The following STK32A variants were observed in gnomAD, a reference collection of about 807,000 sequenced individuals.
STK32A encodes the protein serine/threonine-protein kinase 32A.
In STK32A, 41 loss-of-function variants were observed where a neutral mutation model predicts 53.2. That is an observed-to-expected ratio of 0.77 (90% CI 0.60 to 1.00). The LOEUF is 1.00. Among genes scored for constraint, STK32A ranks in the 50% least tolerant of loss-of-function variants. STK32A has a pLI of 0.00. For missense variants in STK32A, 458 were observed against 485.8 expected (o/e 0.94, Z 0.54); for synonymous variants, 166 against 162.8 (o/e 1.02, Z -0.15).
chr5:147,357,272 T>C lies in STK32A; in HGVS notation c.563-4245T>C, dbSNP rs75743122. The stretch of plus-strand genomic sequence containing the variant: ...CTGGAAGTGTCTGAAGATATTCATT[T>C]CCCTGCATTCTTATCAGTGCTACAC... On this transcript the variant is annotated intron_variant, in intron 7 of 12. Coordinates refer to ENST00000397936, the MANE Select transcript of STK32A (RefSeq NM_001112724.2). Among the ~76,000 whole-genome samples the C allele has an allele frequency of 9.1e-3, 1,379 of 152,192 alleles. 29 individuals carry two copies. Among genetic ancestry groups the C allele is most frequent in the African/African-American group, 0.032 (1,312 of 41,558 alleles).
chr5:147,353,817 G>T (rs1561742274), intron 7 of STK32A, among the ~76,000 whole-genome samples: 1 of 152,138 alleles, frequency 6.6e-6, no homozygotes, highest in African/African-American at 2.4e-5. Flanking sequence ...ACCCTAATTA[G>T]TTAAGATGCT....
intron 2 of STK32A, among the ~76,000 whole-genome samples, chr5:147,247,653 A>G (rs1191235771): frequency 6.6e-6 from 1 of 152,224 alleles, no homozygotes; most frequent in East Asian, 1.9e-4. Flanking sequence ...AGTCTCTGTC[A>G]CAACTACTCA....
chr5:147,292,402 T>C (rs1201413552), intron 4 of STK32A, among the ~76,000 whole-genome samples: 1 of 152,218 alleles, frequency 6.6e-6, no homozygotes, highest in Non-Finnish European at 1.5e-5. Context: ...TATTCACAAA[T>C]AGTTTCCAAA....
rs13162087 is a variant in STK32A, at chr5:147,332,932, A to T, written c.434+8861A>T. On this transcript the variant is annotated intron_variant, in intron 5 of 12. Transcript: ENST00000397936. ...CCACCCATTTGTGAAAACCCATGTG[A>T]AAAGGCAAAGAGAACTGTCTGTGTA... 1.7e-3 allele frequency among the ~76,000 whole-genome samples: 257 copies of T among 152,350 alleles called. 1 individual carries two copies. The highest frequency in any genetic ancestry group is 3.1e-3 in the Non-Finnish European group (212 of 68,032).
In STK32A at chr5:147,321,556, C is replaced by T. The variant is rs75716758; in HGVS notation, c.261-2342C>T. Among the ~76,000 whole-genome samples the T allele has an allele frequency of 6.3e-3, 967 of 152,342 alleles. 5 individuals are homozygous for T. The highest frequency in any genetic ancestry group is 0.019 in the African/African-American group (805 of 41,576). On this transcript the variant is annotated intron_variant, in intron 4 of 12. Transcript: ENST00000397936. ...TCTTCTGTCTTTGATTAATAATCCC[C>T]TGCACATTCGAACACTGTTATTAAC...
intron 5 of STK32A, among the ~76,000 whole-genome samples, chr5:147,338,980 GGAATA>G (rs1307594107): frequency 6.6e-6 from 1 of 152,172 alleles, no homozygotes; most frequent in Non-Finnish European, 1.5e-5. Context: ...GCCTGATGAT[GGAATA>G]GAAAAGAAAA....
chr5:147,249,357 G>A (rs991569383), intron 2 of STK32A, among the ~76,000 whole-genome samples: 13 of 152,128 alleles, frequency 8.5e-5, no homozygotes, highest in African/African-American at 3.1e-4. Flanking sequence ...CTTAGCTGGT[G>A]ACTGGCACAC....
chr5:147,318,225 G>A (rs1347912768), intron 4 of STK32A, among the ~76,000 whole-genome samples: 3 of 151,948 alleles, frequency 2.0e-5, no homozygotes, highest in South Asian at 2.1e-4. Flanking sequence ...TGTGGAAAAC[G>A]TTCCATATCA....
chr5:147,258,343 G>A (rs1754333280), intron 2 of STK32A, among the ~76,000 whole-genome samples: 1 of 151,702 alleles, frequency 6.6e-6, no homozygotes, highest in Non-Finnish European at 1.5e-5. Context: ...CAAAATATTT[G>A]TTTATTTTTA....
Position 147,331,539 on chromosome 5 carries a change from A to G in STK32A, c.434+7468A>G, listed in dbSNP as rs548315235. On this transcript the variant is annotated intron_variant, in intron 5 of 12. Transcript: ENST00000397936. The stretch of plus-strand genomic sequence containing the variant: ...CAAATAGCATAAAACTTCAGTTTAG[A>G]TACATATTTTAGTGGGTAGGTACTA... Among the ~76,000 whole-genome samples, 20 of 152,360 alleles carry G rather than the reference A, an allele frequency of 1.3e-4. No homozygotes were observed. The Middle Eastern group carries it at 0.01, about 78-fold the overall frequency.
intron 2 of STK32A, among the ~76,000 whole-genome samples, chr5:147,269,950 A>C (rs907408897): frequency 2.0e-5 from 3 of 152,192 alleles, no homozygotes; most frequent in African/African-American, 7.2e-5. Flanking sequence ...CTTTTTGGGA[A>C]CTTAGGAATT....
chr5:147,320,347 A>T (rs1754247778), intron 4 of STK32A, among the ~76,000 whole-genome samples: 1 of 152,078 alleles, frequency 6.6e-6, no homozygotes, highest in East Asian at 1.9e-4. Context: ...CTTTTGGCTT[A>T]TTTGGTAACC....
At chr5:147,337,505 T>A (rs1407411047) in intron 5 of STK32A, among the ~76,000 whole-genome samples, 1 of 152,160 alleles carries the variant, frequency 6.6e-6, no homozygotes, top group Non-Finnish European at 1.5e-5. Flanking sequence ...TGTTTTCTCT[T>A]CTCTTCTTAG....
chr5:147,302,113 A>C (rs1388431003), intron 4 of STK32A, among the ~76,000 whole-genome samples: 1 of 152,166 alleles, frequency 6.6e-6, no homozygotes, highest in Non-Finnish European at 1.5e-5. Flanking sequence ...TAATGTGGAC[A>C]GCTTTGGGGA....
At chr5:147,319,165 C>A (rs1194703808) in intron 4 of STK32A, among the ~76,000 whole-genome samples, 2 of 127,530 alleles carry the variant, frequency 1.6e-5, no homozygotes, top group Admixed American at 1.8e-4. Flanking sequence ...TTTTTTGAGA[C>A]GGAGTCTCGC....
At chr5:147,310,202 A>T (rs1434473102) in intron 4 of STK32A, among the ~76,000 whole-genome samples, 1 of 152,166 alleles carries the variant, frequency 6.6e-6, no homozygotes, top group African/African-American at 2.4e-5. Flanking sequence ...AAAGCAAAAC[A>T]TTTCTGAAGA....
intron 1 of STK32A, among the ~76,000 whole-genome samples, chr5:147,236,702 T>C (rs1440869050): frequency 7.9e-5 from 12 of 152,218 alleles, no homozygotes; most frequent in Admixed American, 5.9e-4. Flanking sequence ...GTTTGCATAT[T>C]ATCTTCCCAC....
At chr5:147,270,246 C>T (rs898174986) in intron 2 of STK32A, among the ~76,000 whole-genome samples, 1 of 152,046 alleles carries the variant, frequency 6.6e-6, no homozygotes, top group Admixed American at 6.6e-5. Flanking sequence ...TCTCTGTCAC[C>T]CAGGCTGGGG....
chr5:147,314,510 AAAAAAACAAAAAAAAAC>A (rs1561713392), intron 4 of STK32A, among the ~76,000 whole-genome samples: 1,432 of 12,246 alleles, frequency 0.12, 207 homozygotes, highest in African/African-American at 0.25. Flanking sequence ...AAAAAAACAA[AAAAAAACAAAAAAAAAC>A]AAAAAAAAAA....
Sources: allele counts gnomAD v4.1 joint callset (sites outside exome capture counted in the v4.1 genomes callset), GRCh38; gene constraint gnomAD v4.1.1; transcripts MANE v1.5; gene names NCBI Gene and HGNC (gene_info 2026-07-23, HGNC 2026-07-21).